RBM25: variants seen among roughly 807,000 people sequenced by gnomAD.
RBM25 encodes the protein RNA-binding protein 25.
A neutral mutation model predicts 120.7 loss-of-function variants in RBM25; 19 were observed. The ratio of observed to expected loss-of-function variants is 0.16; its 90% confidence interval spans 0.11 to 0.23. The LOEUF (loss-of-function observed/expected upper bound fraction) is 0.23, where lower values mean the gene tolerates loss of function less well. Ranked by LOEUF, RBM25 falls within the 10% of genes least tolerant of loss-of-function variation. The pLI is 1.00. For synonymous variants in RBM25, 390 were observed against 326.7 expected, an observed-to-expected ratio of 1.19 and a Z score of -2.09; for missense variants, 605 against 1,041.5, an observed-to-expected ratio of 0.58 and a Z score of 5.77.
intron 6 of RBM25, among the ~76,000 whole-genome samples, chr14:73,088,814 G>A (rs1434684225): frequency 2.0e-5 from 3 of 152,184 alleles, no homozygotes; most frequent in Non-Finnish European, 1.5e-5. Flanking sequence ...AGAGTCTTTC[G>A]CTGTCGTCAA....
Position 73,122,774 on chromosome 14 carries a change from G to GC in RBM25, c.*2970dup, listed in dbSNP as rs1346010160. 6.6e-6 allele frequency: 1 copy of GC among 152,164 alleles called. No individual in the cohort carries two copies. The highest frequency in any genetic ancestry group is 1.5e-5 in the Non-Finnish European group (1 of 68,022). 9.4% of individuals were successfully genotyped at this position (152,164 alleles called of 1,614,324 possible). A position where few individuals can be genotyped will look rare whatever the true frequency, so the allele number is the denominator to read the frequency against. ...TTGTAGAAATAGAGACACTGAAGTAGCAGCGCTGGGGTGGCGCCGCAGGCT... is the reference window on the plus strand; with the variant it reads ...TTGTAGAAATAGAGACACTGAAGTAGCCAGCGCTGGGGTGGCGCCGCAGGCT... On this transcript the variant is annotated 3_prime_UTR_variant, in exon 19 of 19. Transcript: ENST00000261973.
At chr14:73,119,626 G>GA (rs147970444) in intron 18 of RBM25, 87 bp from the exon 19 acceptor site, 67,866 of 1,575,302 alleles carry the variant, frequency 0.043, 1,655 homozygotes, top group Non-Finnish European at 0.05. Context: ...GTCAGTGGAT[G>GA]AAAAACTTTT....
chr14:73,067,258 C>G (rs1895161138), intron 1 of RBM25, among the ~76,000 whole-genome samples: 1 of 151,448 alleles, frequency 6.6e-6, no homozygotes, highest in Admixed American at 6.6e-5. Flanking sequence ...TAGTTCTAAC[C>G]TGTATTAGAG....
intron 7 of RBM25, 42 bp downstream of exon 7, chr14:73,097,142 T>A: frequency 6.8e-7 from 1 of 1,464,930 alleles, no homozygotes; most frequent in Non-Finnish European, 9.2e-7. Flanking sequence ...ACCGTTTGTT[T>A]TTTATGATAT....
intron 17 of RBM25, 141 bp downstream of exon 17, chr14:73,112,391 A>T: frequency 6.3e-6 from 5 of 793,130 alleles, no homozygotes; most frequent in Non-Finnish European, 8.7e-6. Flanking sequence ...TGCTTTTTTA[A>T]AGTTATTTTT....
chr14:73,059,821 C>G (rs1487906900), intron 1 of RBM25, among the ~76,000 whole-genome samples: 1 of 151,796 alleles, frequency 6.6e-6, no homozygotes. Flanking sequence ...TTTCTTTTTT[C>G]TTTTAAGCTT....
At chr14:73,076,668 C>T (rs1784184537) in intron 3 of RBM25, among the ~76,000 whole-genome samples, 1 of 152,182 alleles carries the variant, frequency 6.6e-6, no homozygotes, top group African/African-American at 2.4e-5. Flanking sequence ...TCATTGCCTT[C>T]TCATCTTGGT....
At chr14:73,072,114 C>T (rs374276788) in intron 2 of RBM25, among the ~76,000 whole-genome samples, 6 of 152,072 alleles carry the variant, frequency 3.9e-5, no homozygotes, top group East Asian at 1.9e-4. Context: ...TGGGATTGCA[C>T]GCACCTGCCA....
intron 10 of RBM25, among the ~76,000 whole-genome samples, chr14:73,105,391 T>C (rs1435366493): frequency 2.0e-5 from 3 of 152,236 alleles, no homozygotes; most frequent in African/African-American, 7.2e-5. Flanking sequence ...ACTTAATCCA[T>C]GCAACATGTC....
chr14:73,115,626 G>A (rs1376979489), intron 18 of RBM25, among the ~76,000 whole-genome samples: 1 of 152,102 alleles, frequency 6.6e-6, no homozygotes, highest in East Asian at 1.9e-4. Context: ...TACAGTCAGT[G>A]GTAGCATGTA....
intron 4 of RBM25, 116 bp downstream of exon 4, chr14:73,077,652 A>T: frequency 1.1e-6 from 1 of 923,526 alleles, no homozygotes; most frequent in Non-Finnish European, 1.6e-6. Context: ...TCAGTCCTGC[A>T]GCAAAGGTGA....
rs1466732069 is a variant in RBM25, at chr14:73,121,011, C to T, written c.*1206C>T. The T allele has an allele frequency of 6.6e-6, 1 of 152,040 alleles. No individual in the cohort carries two copies. The highest frequency in any genetic ancestry group is 1.5e-5 in the Non-Finnish European group (1 of 67,998). 9.4% of individuals were successfully genotyped at this position (152,040 alleles called of 1,614,324 possible). A position where few individuals can be genotyped will look rare whatever the true frequency, so the allele number is the denominator to read the frequency against. ...TACTGATGATGTGCTTAGAGAAATT[C>T]CTGGGGCTTTCTTCGTTGTAGATCA... is the stretch of plus-strand genomic sequence containing the variant. On this transcript the variant is annotated 3_prime_UTR_variant, in exon 19 of 19. Coordinates refer to ENST00000261973, the MANE Select transcript of RBM25 (RefSeq NM_021239.3).
intron 12 of RBM25, 32 bp downstream of exon 12, chr14:73,106,317 C>T: frequency 1.3e-6 from 2 of 1,530,652 alleles, no homozygotes; most frequent in Non-Finnish European, 8.8e-7. Flanking sequence ...AGTGATTTTT[C>T]AGGTAAAAAG....
chr14:73,099,559 G>A, intron 8 of RBM25, 108 bp from the exon 9 acceptor site: 7 of 1,584,998 alleles, frequency 4.4e-6, no homozygotes, highest in Non-Finnish European at 1.7e-6. Flanking sequence ...TGGATATTCT[G>A]TTTACTTATT....
At chr14:73,100,069 A>G (rs545082334) in intron 9 of RBM25, 7 of 477,378 alleles carry the variant, frequency 1.5e-5, no homozygotes, top group Non-Finnish European at 2.2e-5. Flanking sequence ...CAGCAGGATA[A>G]CATACACTGT....
intron 5 of RBM25, 52 bp downstream of exon 5, chr14:73,083,603 C>T (rs778539693): frequency 2.3e-6 from 3 of 1,298,644 alleles, no homozygotes; most frequent in Non-Finnish European, 3.2e-6. Flanking sequence ...AACCTGTGTG[C>T]TTAAATCACT....
intron 13 of RBM25, 137 bp downstream of exon 13, chr14:73,108,036 A>G (rs748389701): frequency 4.5e-6 from 3 of 669,778 alleles, no homozygotes; most frequent in Admixed American, 2.8e-5. Context: ...TATTAATTCT[A>G]TAGCTAATAC....
rs1344192347 is a variant in RBM25, at chr14:73,097,186, TTTTTC to T, written c.729+96_729+100del. ...TACTTTGATTACATGTCAGTTTTCTTTTTTCTTTTCTTTTTTTTTTTTTTTTTTTT... is the reference window on the plus strand; with the variant it reads ...TACTTTGATTACATGTCAGTTTTCTTTTTTCTTTTTTTTTTTTTTTTTTTT... On this transcript the variant is annotated intron_variant, in intron 7 of 18. Transcript: ENST00000261973. The T allele has an allele frequency of 5.0e-4, 332 of 666,968 alleles. 20 individuals carry two copies. Among genetic ancestry groups the T allele is most frequent in the South Asian group, 1.4e-3 (25 of 18,308 alleles). 41.3% of individuals were successfully genotyped at this position (666,968 alleles called of 1,614,324 possible).
chr14:73,121,859 A>T lies in RBM25; in HGVS notation c.*2054A>T, dbSNP rs1896546681. 6.6e-6 allele frequency: 1 copy of T among 152,030 alleles called. No homozygotes were observed. Among genetic ancestry groups the T allele is most frequent in the Non-Finnish European group, 1.5e-5 (1 of 67,910 alleles). 9.4% of individuals were successfully genotyped at this position (152,030 alleles called of 1,614,324 possible). A position where few individuals can be genotyped will look rare whatever the true frequency, so the allele number is the denominator to read the frequency against. ...GGAGATGTACTCTGTACTGCATAAC[A>T]TCTCCAGTGAGGTTTGTGACAGGAC... On this transcript the variant is annotated 3_prime_UTR_variant, in exon 19 of 19. Transcript: ENST00000261973.
Sources: allele counts gnomAD v4.1 joint callset (sites outside exome capture counted in the v4.1 genomes callset), GRCh38; gene constraint gnomAD v4.1.1; transcripts MANE v1.5; gene names NCBI Gene and HGNC (gene_info 2026-07-23, HGNC 2026-07-21).